The following VIPR2 variants were observed in gnomAD, a reference collection of about 807,000 sequenced individuals.
VIPR2 encodes the protein vasoactive intestinal peptide receptor 2.
In VIPR2, 48 loss-of-function variants were observed where a neutral mutation model predicts 58.0. The observed-to-expected ratio is 0.83, with a 90% CI of 0.66 to 1.05. The LOEUF (loss-of-function observed/expected upper bound fraction) is 1.05. Ranked by LOEUF, VIPR2 falls within the 50% of genes least tolerant of loss-of-function variation. VIPR2 has a pLI of 0.00. For synonymous variants in VIPR2, 243 were observed against 235.2 expected, an observed-to-expected ratio of 1.03 and a Z score of -0.30; for missense variants, 534 against 558.0, an observed-to-expected ratio of 0.96 and a Z score of 0.43.
intron 4 of VIPR2, among the ~76,000 whole-genome samples, chr7:159,089,598 A>T (rs1197697504): frequency 6.6e-6 from 1 of 152,284 alleles, no homozygotes; most frequent in Admixed American, 6.5e-5. Context: ...TAATATTATT[A>T]GCACATGCTA....
chr7:159,094,597 G>GATA (rs1223023740), intron 4 of VIPR2, among the ~76,000 whole-genome samples: 1 of 152,228 alleles, frequency 6.6e-6, no homozygotes, highest in African/African-American at 2.4e-5. Flanking sequence ...AGCCTGCGGT[G>GATA]ATAATTGCAG....
intron 4 of VIPR2, among the ~76,000 whole-genome samples, chr7:159,083,881 C>T (rs1271712852): frequency 1.3e-5 from 2 of 152,210 alleles, no homozygotes; most frequent in African/African-American, 2.4e-5. Flanking sequence ...CCTGACTCTG[C>T]GTCTGCTGCA....
chr7:159,048,374 T>C (rs1854776589), intron 5 of VIPR2, among the ~76,000 whole-genome samples: 1 of 152,224 alleles, frequency 6.6e-6, no homozygotes, highest in Non-Finnish European at 1.5e-5. Flanking sequence ...GGGAAATGAC[T>C]CCTGGTACCA....
chr7:159,108,180 C>G (rs1219413392), intron 3 of VIPR2, among the ~76,000 whole-genome samples: 1 of 152,202 alleles, frequency 6.6e-6, no homozygotes, highest in East Asian at 1.9e-4. Flanking sequence ...AGTTATCCCA[C>G]CAAATTTAGT....
At chr7:159,116,315 C>T (rs1469816299) in intron 2 of VIPR2, among the ~76,000 whole-genome samples, 1 of 152,206 alleles carries the variant, frequency 6.6e-6, no homozygotes, top group African/African-American at 2.4e-5. Flanking sequence ...TAACCAGGAG[C>T]AAATCTTCCT....
At chr7:159,037,155 C>A (rs1270933775) in intron 6 of VIPR2, among the ~76,000 whole-genome samples, 2 of 152,246 alleles carry the variant, frequency 1.3e-5, no homozygotes, top group Non-Finnish European at 2.9e-5. Context: ...ACAGCACTGC[C>A]TGAGGTGAGC....
Position 159,099,590 on chromosome 7 carries a change from C to T in VIPR2, c.357+4167G>A, listed in dbSNP as rs866424767. ...TTGAATAAAGGAAGGAGAGAATGAA[C>T]GACGGAGCCTGCACATACGGGGCTC... On this transcript the variant is annotated intron_variant, in intron 4 of 12. Coordinates refer to ENST00000262178, the MANE Select transcript of VIPR2 (RefSeq NM_003382.5). The surrounding 1 kb of genome is among the most constrained non-coding windows in gnomAD (Gnocchi z 4.2). Among the ~76,000 whole-genome samples the T allele has an allele frequency of 3.3e-5, 5 of 152,280 alleles. No individual in the cohort carries two copies. In the South Asian group the frequency reaches 6.2e-4, roughly 19 times the overall value.
intron 4 of VIPR2, among the ~76,000 whole-genome samples, chr7:159,092,279 A>G (rs2129495374): frequency 6.6e-6 from 1 of 152,296 alleles, no homozygotes; most frequent in South Asian, 2.1e-4. Flanking sequence ...ACACTCATGA[A>G]GCCGAGAGCA....
chr7:159,108,292 G>T (rs1795850684), intron 3 of VIPR2, among the ~76,000 whole-genome samples: 1 of 152,234 alleles, frequency 6.6e-6, no homozygotes, highest in Non-Finnish European at 1.5e-5. Context: ...TGCAAAGGAT[G>T]CCCATTTAAT....
intron 3 of VIPR2, among the ~76,000 whole-genome samples, chr7:159,104,062 C>A (rs1858471540): frequency 6.6e-6 from 1 of 152,176 alleles, no homozygotes; most frequent in South Asian, 2.1e-4. Flanking sequence ...GCCGGTGGGT[C>A]CTGAGATGTG....
At chr7:159,038,465 A>G (rs944639255) in intron 6 of VIPR2, among the ~76,000 whole-genome samples, 13 of 152,212 alleles carry the variant, frequency 8.5e-5, no homozygotes, top group Non-Finnish European at 2.9e-5. Context: ...GCATCAGGAC[A>G]GAGCCTCTTA....
At position 159,132,917 on chromosome 7, in the gene VIPR2, T is replaced by C. The variant is rs375952960; in HGVS notation, c.151+9529A>G. Among the ~76,000 whole-genome samples, 278 of 119,150 alleles carry C rather than the reference T, an allele frequency of 2.3e-3. 6 individuals are homozygous for C. Among genetic ancestry groups the C allele is most frequent in the African/African-American group, 6.1e-3 (172 of 28,382 alleles). The allele number at this position is 119,150 out of a possible 152,430, so 78.2% of individuals were successfully genotyped here. A position where few individuals can be genotyped will look rare whatever the true frequency, so the allele number is the denominator to read the frequency against. On this transcript the variant is annotated intron_variant, in intron 2 of 12. Transcript: ENST00000262178. Reference sequence around the variant, plus strand: ...TCAGACAGAATGATTGGCATACAGATTGATTTCAGACAGAATGATTGGCAT... The same window carrying C: ...TCAGACAGAATGATTGGCATACAGACTGATTTCAGACAGAATGATTGGCAT...
At chr7:159,094,197 G>A (rs1380788485) in intron 4 of VIPR2, among the ~76,000 whole-genome samples, 1 of 152,144 alleles carries the variant, frequency 6.6e-6, no homozygotes, top group African/African-American at 2.4e-5. Flanking sequence ...TCTGCCATCT[G>A]GGATGTGAAA....
intron 6 of VIPR2, 49 bp from the exon 7 acceptor site, chr7:159,036,951 A>G (rs1445877214): frequency 6.3e-7 from 1 of 1,575,238 alleles, no homozygotes; most frequent in Admixed American, 1.7e-5. Context: ...ATCCGGTAAC[A>G]GCAGCTACCA....
In VIPR2 at chr7:159,144,856, G is replaced by C. The variant is rs1055858224; in HGVS notation, c.-85C>G. 2 of 1,185,672 alleles carry C rather than the reference G, an allele frequency of 1.7e-6. No homozygotes were observed. The highest frequency in any genetic ancestry group is 2.1e-6 in the Non-Finnish European group (2 of 947,912). 73.4% of individuals were successfully genotyped at this position (1,185,672 alleles called of 1,614,324 possible). On this transcript the variant is annotated 5_prime_UTR_variant, in exon 1 of 13. Transcript: ENST00000262178. ...GGTTCCGCCGCCTCCAGCATGGGCC[G>C]GGAGCGAGTGCGCGGAGACCTCGGG...
intron 4 of VIPR2, among the ~76,000 whole-genome samples, chr7:159,073,541 C>G (rs1316120503): frequency 6.6e-6 from 1 of 152,110 alleles, no homozygotes; most frequent in Admixed American, 6.5e-5. Flanking sequence ...CCTTAGCCTC[C>G]CGAGTAGCTG....
rs1469990602 is a variant in VIPR2, at chr7:159,030,731, C to G, written c.1202G>C (p.Arg401Pro). The G allele has an allele frequency of 6.9e-6, 11 of 1,589,402 alleles. No individual in the cohort carries two copies. The highest frequency in any genetic ancestry group is 2.0e-4 in the Middle Eastern group (1 of 5,044). Residue 401 changes from arginine to proline, a missense_variant, in exon 13 of 13, where the codon CGG becomes CCG. Arg to Pro is a moderately radical substitution (Grantham distance 103). Coordinates refer to ENST00000262178, the MANE Select transcript of VIPR2 (RefSeq NM_003382.5). ...GGAGGAACCGCAGACCCTGTAATCC[C>G]GGCTCGCGGACGGGGTCGGGCACCG... ...RSRCPTPSAS[R>P]DYRVCGSSFS...
Position 159,075,573 on chromosome 7 carries a change from G to A in VIPR2, c.358-16995C>T, listed in dbSNP as rs540825950. ...TGAGGAGCCCAGGGCTGGCACCCAC[G>A]GACCCACTGCATCAGGGAGTAGCCC... On this transcript the variant is annotated intron_variant, in intron 4 of 12. Coordinates refer to ENST00000262178, the MANE Select transcript of VIPR2 (RefSeq NM_003382.5). Among the ~76,000 whole-genome samples the A allele has an allele frequency of 5.7e-4, 87 of 152,156 alleles. No homozygotes were observed. In the East Asian group the frequency reaches 7.9e-3, roughly 14 times the overall value.
At position 159,032,084 on chromosome 7, in the gene VIPR2, G is replaced by A. The variant is rs779008766; in HGVS notation, c.972-17C>T. On this transcript the variant is annotated splice_polypyrimidine_tract_variant and intron_variant, in intron 10 of 12. Coordinates refer to ENST00000262178, the MANE Select transcript of VIPR2 (RefSeq NM_003382.5). Reference sequence around the variant, plus strand: ...GCCAGCCTCCTGCACAGAAGGAGATGAGCCAGCTCAGCTGCTGGACCCTCG... The same window carrying A: ...GCCAGCCTCCTGCACAGAAGGAGATAAGCCAGCTCAGCTGCTGGACCCTCG... 1 of 1,613,690 alleles carries A rather than the reference G, an allele frequency of 6.2e-7. No individual in the cohort carries two copies. The highest frequency in any genetic ancestry group is 8.5e-7 in the Non-Finnish European group (1 of 1,179,976).
Sources: gnomAD v4.1 joint callset for allele counts (sites outside exome capture counted in the v4.1 genomes callset) on GRCh38, gnomAD v4.1.1 for gene constraint, Gnocchi (gnomAD v3.1) non-coding constraint, MANE v1.5 for transcripts, NCBI Gene and HGNC (gene_info 2026-07-23, HGNC 2026-07-21) for gene names.